GRIK2: variants seen among roughly 807,000 people sequenced by gnomAD.
The protein encoded by GRIK2 is glutamate ionotropic receptor kainate type subunit 2.
In GRIK2, 32 loss-of-function variants were observed where a neutral mutation model predicts 100.3. The ratio of observed to expected loss-of-function variants is 0.32; its 90% CI spans 0.24 to 0.43. The LOEUF (loss-of-function observed/expected upper bound fraction) is 0.43, where lower values mean the gene tolerates loss of function less well. Among genes scored for constraint, GRIK2 ranks in the 20% least tolerant of loss-of-function variants. GRIK2 has a pLI of 1.00. For missense variants in GRIK2, 843 were observed against 1,114.9 expected, an observed-to-expected ratio of 0.76 and a Z score of 3.47; for synonymous variants, 417 against 389.4, an observed-to-expected ratio of 1.07 and a Z score of -0.83.
At chr6:101,806,833 A>G (rs1013666615) in intron 9 of GRIK2, among the ~76,000 whole-genome samples, 4 of 151,602 alleles carry the variant, frequency 2.6e-5, no homozygotes, top group Non-Finnish European at 4.4e-5. Flanking sequence ...ATTTCTCCTA[A>G]TGCTCTGCCC....
At chr6:101,893,260 A>T (rs1412811972) in intron 12 of GRIK2, among the ~76,000 whole-genome samples, 2 of 151,528 alleles carry the variant, frequency 1.3e-5, no homozygotes, top group African/African-American at 4.8e-5. Context: ...TGTCTCCATA[A>T]CAATTATAGA....
At chr6:101,909,386 T>TTTTTG (rs1562481020) in intron 12 of GRIK2, among the ~76,000 whole-genome samples, 11 of 138,796 alleles carry the variant, frequency 7.9e-5, no homozygotes, top group Non-Finnish European at 7.7e-5. Flanking sequence ...CTTTTTCTTT[T>TTTTTG]TTTTTTTTTT....
chr6:101,788,416 G>C lies in GRIK2; in HGVS notation c.952-11232G>C, dbSNP rs538000703. 1.8e-3 allele frequency among the ~76,000 whole-genome samples: 263 copies of C among 150,138 alleles called. 2 individuals are homozygous for C. The highest frequency in any genetic ancestry group is 5.9e-3 in the African/African-American group (242 of 40,772). ...GATGTTCCCCTTCCTCTGTCCATGTGTTCTCATTGTTCAATTCCCATCTAT... is the reference window on the plus strand; with the variant it reads ...GATGTTCCCCTTCCTCTGTCCATGTCTTCTCATTGTTCAATTCCCATCTAT... On this transcript the variant is annotated intron_variant, in intron 7 of 16. Transcript: ENST00000369134.
chr6:101,802,393 T>C lies in GRIK2; in HGVS notation c.1158T>C (p.Asp386=). 3.1e-6 allele frequency: 5 copies of C among 1,590,102 alleles called. No individual in the cohort carries two copies. Among genetic ancestry groups the C allele is most frequent in the Non-Finnish European group, 4.3e-6 (5 of 1,166,320 alleles). ...ACAAAACCAATGGCTTGAGAACAGA[T>C]TTTGATTTGGATGTGATCAGTCTGA... ...TFNKTNGLRT[D]FDLDVISLKE... is the part of the protein sequence containing the mutation. The change falls in exon 9 of 17, where the codon GAT becomes GAC. Residue 386 remains aspartate (D), a synonymous_variant. Transcript: ENST00000369134.
At position 101,678,535 on chromosome 6, in the gene GRIK2, T is replaced by C. The variant is rs527887739; in HGVS notation, c.723+1731T>C. On this transcript the variant is annotated intron_variant, in intron 5 of 16. Transcript: ENST00000369134. ...CTATACCAGAAGACCACAAATATGG[T>C]GGTGTTATTTTTAACTTTGTCTCAC... 3.3e-5 allele frequency among the ~76,000 whole-genome samples: 5 copies of C among 152,142 alleles called. No individual in the cohort carries two copies. In the East Asian group the frequency reaches 9.7e-4, roughly 29 times the overall value.
intron 2 of GRIK2, among the ~76,000 whole-genome samples, chr6:101,504,014 C>T (rs566606815): frequency 1.3e-5 from 2 of 152,140 alleles, no homozygotes; most frequent in South Asian, 2.1e-4. Flanking sequence ...TATACAAAAT[C>T]GACAACCAGA....
At chr6:101,795,236 T>C (rs1057191192) in intron 7 of GRIK2, among the ~76,000 whole-genome samples, 1 of 152,174 alleles carries the variant, frequency 6.6e-6, no homozygotes. Context: ...TCTATGGTAT[T>C]GGTTGAGGGG....
At chr6:101,955,049 C>T (rs1363727491) in intron 14 of GRIK2, among the ~76,000 whole-genome samples, 1 of 151,768 alleles carries the variant, frequency 6.6e-6, no homozygotes, top group Non-Finnish European at 1.5e-5. Context: ...TAATTAAATC[C>T]CACTTGGTCT....
intron 2 of GRIK2, among the ~76,000 whole-genome samples, chr6:101,615,809 C>T (rs1779867018): frequency 6.6e-6 from 1 of 151,690 alleles, no homozygotes; most frequent in Non-Finnish European, 1.5e-5. Flanking sequence ...GGAAAAAATG[C>T]TTTGCCATTC....
chr6:102,066,164 G>C (rs1167979695), intron 16 of GRIK2, among the ~76,000 whole-genome samples: 2 of 151,374 alleles, frequency 1.3e-5, no homozygotes, highest in Non-Finnish European at 3.0e-5. Flanking sequence ...TTAAACAAAT[G>C]CTAAAGTTTT....
chr6:101,981,100 C>T (rs1226294365), intron 14 of GRIK2, among the ~76,000 whole-genome samples: 1 of 151,636 alleles, frequency 6.6e-6, no homozygotes. Flanking sequence ...TTCCATTAAC[C>T]ACATTAGCTG....
At chr6:101,499,885 C>A (rs1391784394) in intron 2 of GRIK2, among the ~76,000 whole-genome samples, 1 of 152,098 alleles carries the variant, frequency 6.6e-6, no homozygotes, top group Non-Finnish European at 1.5e-5. Context: ...CTTTCTTAAT[C>A]AGTTAATGGG....
chr6:102,034,056 C>T (rs1770135183), intron 14 of GRIK2, among the ~76,000 whole-genome samples: 2 of 151,304 alleles, frequency 1.3e-5, no homozygotes, highest in African/African-American at 2.4e-5. Flanking sequence ...CTTGGCCAGG[C>T]ATGGTGGCTC....
chr6:101,666,450 C>T (rs1449190748), intron 4 of GRIK2, among the ~76,000 whole-genome samples: 1 of 152,220 alleles, frequency 6.6e-6, no homozygotes, highest in Admixed American at 6.5e-5. Flanking sequence ...TCTCCAACCC[C>T]TCCAGAACTT....
At position 102,058,844 on chromosome 6, in the gene GRIK2, G is replaced by T. The variant is rs533970838; in HGVS notation, c.2562+3264G>T. Among the ~76,000 whole-genome samples, 11 of 151,498 alleles carry T rather than the reference G, an allele frequency of 7.3e-5. No individual in the cohort carries two copies. In the South Asian group the frequency reaches 2.1e-3, roughly 29 times the overall value. ...TTGCCCATTGAAGGAAAGCACGAAT[G>T]TATTGGTGACTAAATAGTTTGTCAG... is the stretch of plus-strand genomic sequence containing the variant. On this transcript the variant is annotated intron_variant, in intron 16 of 16. Transcript: ENST00000369134.
chr6:101,918,090 C>CA (rs576945587), intron 12 of GRIK2, among the ~76,000 whole-genome samples: 4 of 151,226 alleles, frequency 2.6e-5, no homozygotes, highest in Non-Finnish European at 4.4e-5. Context: ...TTAAGTAGAA[C>CA]AAAAAAACCA....
rs140313916 is a variant in GRIK2, at chr6:101,452,216, A to T, written c.115+52824A>T. 2.6e-5 allele frequency among the ~76,000 whole-genome samples: 4 copies of T among 151,910 alleles called. 1 individual carries two copies. The highest frequency in any genetic ancestry group is 9.6e-5 in the African/African-American group (4 of 41,520). On this transcript the variant is annotated intron_variant, in intron 2 of 16. Coordinates refer to ENST00000369134, the MANE Select transcript of GRIK2 (RefSeq NM_021956.5). ...AACACTTTCTTCAAGAAACATGGCT[A>T]TAGTATTGATAATCAGCATAGTATG...
rs991005699 is a variant in GRIK2 at position 101,630,495 on chromosome 6, G to C, written c.541+3858G>C. ...GAACGTTTCTTTCATATGTTTGTTG[G>C]CTGCATGTACATCTTCTTTTGAGGA... On this transcript the variant is annotated intron_variant, in intron 4 of 16. Transcript: ENST00000369134. Among the ~76,000 whole-genome samples the C allele has an allele frequency of 6.6e-5, 10 of 152,114 alleles. 1 individual carries two copies. The East Asian group carries it at 1.5e-3, about 24-fold the overall frequency.
intron 15 of GRIK2, among the ~76,000 whole-genome samples, chr6:102,043,299 TTTA>T (rs1341018150): frequency 6.6e-6 from 1 of 151,808 alleles, no homozygotes; most frequent in Non-Finnish European, 1.5e-5. Context: ...ACATTTGAAA[TTTA>T]TTAGAATTTT....
Sources: gnomAD v4.1 joint callset for allele counts (sites outside exome capture counted in the v4.1 genomes callset) on GRCh38, gnomAD v4.1.1 for gene constraint, MANE v1.5 for transcripts, NCBI Gene and HGNC (gene_info 2026-07-23, HGNC 2026-07-21) for gene names.